DTNBP1: variants seen among roughly 807,000 people sequenced by gnomAD.
The protein encoded by DTNBP1 is dysbindin.
Under a neutral mutation model 42.8 loss-of-function variants are expected in DTNBP1, and 35 were observed. The observed-to-expected ratio is 0.82, with a 90% confidence interval of 0.63 to 1.09. DTNBP1 has a LOEUF of 1.09. Ranked by LOEUF, DTNBP1 falls within the 50% of genes least tolerant of loss-of-function variation. DTNBP1 has a pLI of 0.00. For synonymous variants in DTNBP1, 171 were observed against 162.2 expected, an observed-to-expected ratio of 1.05 and a Z score of -0.41; for missense variants, 457 against 424.2, an observed-to-expected ratio of 1.08 and a Z score of -0.68.
At chr6:15,596,663 A>G (rs1776528439) in intron 6 of DTNBP1, among the ~76,000 whole-genome samples, 1 of 152,216 alleles carries the variant, frequency 6.6e-6, no homozygotes, top group African/African-American at 2.4e-5. Context: ...ACATTCGCTC[A>G]TAAGCCAATT....
chr6:15,593,745 T>C (rs1406272321), intron 6 of DTNBP1, among the ~76,000 whole-genome samples: 2 of 152,250 alleles, frequency 1.3e-5, no homozygotes, highest in African/African-American at 4.8e-5. Context: ...CAAGTTGTTT[T>C]GAGGCTTTCC....
intron 7 of DTNBP1, among the ~76,000 whole-genome samples, chr6:15,546,927 T>TTTC (rs1491278238): frequency 1.6e-3 from 13 of 8,184 alleles, no homozygotes; most frequent in South Asian, 0.016. Flanking sequence ...TCTTTCTTTC[T>TTTC]TTTTTTTTTT....
intron 6 of DTNBP1, among the ~76,000 whole-genome samples, chr6:15,601,673 G>C (rs1009351408): frequency 6.7e-6 from 1 of 148,574 alleles, no homozygotes; most frequent in African/African-American, 2.5e-5. Flanking sequence ...GAGAAACCCC[G>C]TCTCTACTAA....
Position 15,522,826 on chromosome 6 carries a change from ATTGTTAG to A in DTNBP1, c.*142_*148del. ...TCTCAGTTTACCGTCCTCACACTTT[ATTGTTAG>A]CTGTTCTTTAAGTTTCTCACACATT... On this transcript the variant is annotated 3_prime_UTR_variant, in exon 10 of 10. Transcript: ENST00000344537. 1 of 1,390,822 alleles carries A rather than the reference ATTGTTAG, an allele frequency of 7.2e-7. No homozygotes were observed. Among genetic ancestry groups the A allele is most frequent in the South Asian group, 1.2e-5 (1 of 81,894 alleles). 86.2% of individuals were successfully genotyped at this position (1,390,822 alleles called of 1,614,324 possible).
chr6:15,596,903 CT>C (rs1776537324), intron 6 of DTNBP1, among the ~76,000 whole-genome samples: 1 of 152,172 alleles, frequency 6.6e-6, no homozygotes, highest in African/African-American at 2.4e-5. Context: ...ATCCATCTCC[CT>C]CATTCTCCAT....
intron 7 of DTNBP1, among the ~76,000 whole-genome samples, chr6:15,583,155 A>T (rs2113584755): frequency 6.6e-6 from 1 of 151,994 alleles, no homozygotes; most frequent in East Asian, 1.9e-4. Context: ...TAATTTTTAA[A>T]TTTTTTTGTA....
intron 1 of DTNBP1, 101 bp from the exon 2 acceptor site, chr6:15,652,241 A>T (rs1329920793): frequency 2.2e-6 from 2 of 903,304 alleles, no homozygotes; most frequent in African/African-American, 3.4e-5. Context: ...GAGTGCAGTG[A>T]CATGTACATT....
intron 4 of DTNBP1, among the ~76,000 whole-genome samples, chr6:15,629,652 A>G (rs1039970065): frequency 3.3e-5 from 5 of 152,172 alleles, no homozygotes; most frequent in African/African-American, 9.7e-5. Flanking sequence ...TAAATACCAG[A>G]CCCTGTGCTA....
chr6:15,657,712 T>G (rs1354251356), intron 1 of DTNBP1, among the ~76,000 whole-genome samples: 1 of 152,230 alleles, frequency 6.6e-6, no homozygotes, highest in Non-Finnish European at 1.5e-5. Flanking sequence ...CTATCTGGTT[T>G]GTTCTCTGCT....
chr6:15,537,125 A>C (rs1773277331), intron 7 of DTNBP1, among the ~76,000 whole-genome samples: 1 of 152,214 alleles, frequency 6.6e-6, no homozygotes, highest in South Asian at 2.1e-4. Flanking sequence ...TTTGGACTTA[A>C]GACTTTTGGC....
intron 8 of DTNBP1, among the ~76,000 whole-genome samples, chr6:15,529,763 A>G (rs770685243): frequency 3.3e-5 from 5 of 152,286 alleles, no homozygotes; most frequent in Non-Finnish European, 7.3e-5. Context: ...CAGCAATAAA[A>G]TCAAAGCAAT....
At chr6:15,590,609 A>C (rs1299686411) in intron 7 of DTNBP1, among the ~76,000 whole-genome samples, 1 of 152,256 alleles carries the variant, frequency 6.6e-6, no homozygotes, top group African/African-American at 2.4e-5. Context: ...TTATGATCCT[A>C]TCCTCTTTTT....
chr6:15,575,949 C>T (rs1775542972), intron 7 of DTNBP1, among the ~76,000 whole-genome samples: 1 of 152,158 alleles, frequency 6.6e-6, no homozygotes, highest in African/African-American at 2.4e-5. Context: ...GGCCCATGAG[C>T]TGTGAGACAC....
At chr6:15,662,670 T>C (rs947831634) in intron 1 of DTNBP1, 144 bp downstream of exon 1, 2 of 1,240,288 alleles carry the variant, frequency 1.6e-6, no homozygotes, top group Non-Finnish European at 1.1e-6. Flanking sequence ...GGGAAGTTCG[T>C]TACTTTCCTC....
At chr6:15,599,087 A>T (rs916768257) in intron 6 of DTNBP1, among the ~76,000 whole-genome samples, 2 of 152,192 alleles carry the variant, frequency 1.3e-5, no homozygotes, top group Admixed American at 1.3e-4. Context: ...TGGCAGCACT[A>T]AGTTATACAT....
At chr6:15,526,763 C>T (rs556574102) in intron 8 of DTNBP1, among the ~76,000 whole-genome samples, 147 of 152,268 alleles carry the variant, frequency 9.7e-4, no homozygotes, top group African/African-American at 3.1e-3. Flanking sequence ...TCTTTTAGAT[C>T]GTGGCTTCTG....
At chr6:15,592,202 T>A (rs1266322785) in intron 7 of DTNBP1, among the ~76,000 whole-genome samples, 4 of 152,246 alleles carry the variant, frequency 2.6e-5, no homozygotes, top group African/African-American at 9.6e-5. Context: ...TACTTGGAAA[T>A]CTTTAACCAT....
chr6:15,607,717 T>G (rs1239009900), intron 6 of DTNBP1, among the ~76,000 whole-genome samples: 1 of 152,244 alleles, frequency 6.6e-6, no homozygotes, highest in Non-Finnish European at 1.5e-5. Context: ...TACTGTTTTA[T>G]CAATGGCAAC....
chr6:15,554,871 G>A (rs745944881), intron 7 of DTNBP1, among the ~76,000 whole-genome samples: 1 of 152,054 alleles, frequency 6.6e-6, no homozygotes, highest in African/African-American at 2.4e-5. Context: ...GAACCATTCC[G>A]TGGTCGGTGG....
Sources: gnomAD v4.1 joint callset for allele counts (sites outside exome capture counted in the v4.1 genomes callset) on GRCh38, gnomAD v4.1.1 for gene constraint, MANE v1.5 for transcripts, NCBI Gene and HGNC (gene_info 2026-07-23, HGNC 2026-07-21) for gene names.